Variants in IFT88 observed in about 807,000 individuals in gnomAD.
IFT88 encodes intraflagellar transport protein 88 homolog.
A neutral mutation model predicts 119.5 loss-of-function variants in IFT88; 74 were observed. The observed-to-expected ratio is 0.62, with a 90% confidence interval of 0.51 to 0.75. IFT88 has a LOEUF of 0.75. Ranked by LOEUF, IFT88 falls within the 30% of genes least tolerant of loss-of-function variation. The pLI is 0.00. For missense variants in IFT88, 961 were observed against 977.7 expected, an observed-to-expected ratio of 0.98 and a Z score of 0.23; for synonymous variants, 279 against 316.7, an observed-to-expected ratio of 0.88 and a Z score of 1.26.
chr13:20,606,802 C>A (rs1329054413), intron 13 of IFT88, among the ~76,000 whole-genome samples: 2 of 152,104 alleles, frequency 1.3e-5, no homozygotes, highest in African/African-American at 4.8e-5. Context: ...TTGCTTGAAC[C>A]CAGGAGGCGG....
chr13:20,669,267 C>A (rs988604524), intron 23 of IFT88, among the ~76,000 whole-genome samples: 9 of 152,136 alleles, frequency 5.9e-5, no homozygotes, highest in African/African-American at 2.2e-4. Flanking sequence ...GAACAGGTGT[C>A]AGGCAATAAA....
At chr13:20,577,899 G>GC (rs2037719770) in intron 2 of IFT88, among the ~76,000 whole-genome samples, 1 of 151,866 alleles carries the variant, frequency 6.6e-6, no homozygotes, top group African/African-American at 2.4e-5. Flanking sequence ...CTCTTTCTCT[G>GC]TTTTTTGGAG....
At chr13:20,574,301 C>A in intron 1 of IFT88, 79 bp from the exon 2 acceptor site, 1 of 668,354 alleles carries the variant, frequency 1.5e-6, no homozygotes, top group East Asian at 3.2e-5. Flanking sequence ...GCCTGGGCAA[C>A]AGAGCAAGAC....
chr13:20,626,048 T>C (rs1230771492), intron 15 of IFT88, among the ~76,000 whole-genome samples, 199 bp downstream of exon 15: 2 of 12,266 alleles, frequency 1.6e-4, no homozygotes, highest in Admixed American at 8.7e-4. Context: ...CGTTTCTTTT[T>C]TTTTTTTTTT....
chr13:20,597,771 T>A (rs4770061), intron 9 of IFT88, among the ~76,000 whole-genome samples: 67,843 of 140,778 alleles, frequency 0.48, 17,245 homozygotes, highest in East Asian at 0.75. Context: ...ATATATATAT[T>A]TTTTTTTTGA....
At chr13:20,593,848 A>C (rs1195744657) in intron 7 of IFT88, among the ~76,000 whole-genome samples, 1 of 151,886 alleles carries the variant, frequency 6.6e-6, no homozygotes, top group African/African-American at 2.4e-5. Context: ...CCAGGAGTTC[A>C]AGACTAGCCT....
chr13:20,649,670 G>A (rs1208276733), intron 20 of IFT88, among the ~76,000 whole-genome samples: 2 of 151,872 alleles, frequency 1.3e-5, no homozygotes, highest in African/African-American at 4.8e-5. Context: ...ATAAAATAGA[G>A]AATAGAAAAG....
chr13:20,634,914 A>G (rs1196328151), intron 16 of IFT88, among the ~76,000 whole-genome samples: 2 of 151,190 alleles, frequency 1.3e-5, no homozygotes, highest in Admixed American at 6.6e-5. Flanking sequence ...TCTTCATTTA[A>G]CATTAGGTAT....
chr13:20,594,354 G>C (rs2480432), intron 7 of IFT88, among the ~76,000 whole-genome samples: 33,717 of 152,000 alleles, frequency 0.22, 4,418 homozygotes, highest in African/African-American at 0.35. Flanking sequence ...TAGCAGCCCT[G>C]TACCTGAAGC....
chr13:20,626,041 TTC>T (rs2047248334), intron 15 of IFT88, among the ~76,000 whole-genome samples, 192 bp downstream of exon 15: 3 of 90,718 alleles, frequency 3.3e-5, no homozygotes, highest in Non-Finnish European at 2.3e-5. Flanking sequence ...TGTTTGTCGT[TTC>T]TTTTTTTTTT....
At chr13:20,658,697 C>T (rs1444937969) in intron 22 of IFT88, among the ~76,000 whole-genome samples, 1 of 152,106 alleles carries the variant, frequency 6.6e-6, no homozygotes, top group Non-Finnish European at 1.5e-5. Flanking sequence ...TGGTAAAATC[C>T]CTGGCCTCTG....
chr13:20,657,652 G>C (rs2053062088), intron 22 of IFT88, among the ~76,000 whole-genome samples: 1 of 152,080 alleles, frequency 6.6e-6, no homozygotes, highest in African/African-American at 2.4e-5. Flanking sequence ...TCAAGGCTGG[G>C]CACAGTGGCT....
chr13:20,584,025 A>G lies in IFT88; in HGVS notation c.153+1006A>G, dbSNP rs2039191575. Among the ~76,000 whole-genome samples the G allele has an allele frequency of 2.0e-5, 3 of 152,262 alleles. No homozygotes were observed. In the South Asian group the frequency reaches 6.2e-4, roughly 32 times the overall value. The stretch of plus-strand genomic sequence containing the variant: ...TGCCAGTAACCACACTGTTTTGATT[A>G]GTGTAGCTTTATAATATGTTTTAAA... On this transcript the variant is annotated intron_variant, in intron 3 of 25. Coordinates refer to ENST00000351808, the MANE Select transcript of IFT88 (RefSeq NM_006531.5).
chr13:20,598,543 G>A (rs1467107702), intron 9 of IFT88, 108 bp from the exon 10 acceptor site: 2 of 572,200 alleles, frequency 3.5e-6, no homozygotes, highest in Non-Finnish European at 6.3e-6. Context: ...TGAGTATCTT[G>A]ATATAAGTAG....
chr13:20,630,322 TAC>T (rs2048007647), intron 15 of IFT88, among the ~76,000 whole-genome samples: 1 of 152,250 alleles, frequency 6.6e-6, no homozygotes, highest in Admixed American at 6.5e-5. Flanking sequence ...TTGCTAGCTC[TAC>T]AGTGCCTTCA....
chr13:20,664,712 G>C (rs575956795), intron 23 of IFT88, among the ~76,000 whole-genome samples: 1 of 151,968 alleles, frequency 6.6e-6, no homozygotes, highest in Non-Finnish European at 1.5e-5. Flanking sequence ...ATATGAAAAA[G>C]GAAGAGAAAA....
intron 24 of IFT88, among the ~76,000 whole-genome samples, chr13:20,672,283 G>A (rs2056017792): frequency 6.6e-6 from 1 of 152,136 alleles, no homozygotes; most frequent in Admixed American, 6.5e-5. Flanking sequence ...TTCCCCAAGA[G>A]TCAGTCCAGC....
At chr13:20,602,639 C>T (rs1022143429) in intron 12 of IFT88, among the ~76,000 whole-genome samples, 1 of 152,296 alleles carries the variant, frequency 6.6e-6, no homozygotes, top group South Asian at 2.1e-4. Context: ...AATTCCAGCA[C>T]TTTGGGAGGC....
At position 20,601,692 on chromosome 13, in the gene IFT88, CT is replaced by C. The variant is rs2042616806; in HGVS notation, c.813-8del. The C allele has an allele frequency of 6.5e-7, 1 of 1,538,768 alleles. No homozygotes were observed. Reference sequence around the variant, plus strand: ...TCAGAATTTTAAAGCTAATCCATGTCTTTTTCTTTTAGGATTAAAATAATGC... The same window carrying C: ...TCAGAATTTTAAAGCTAATCCATGTCTTTTCTTTTAGGATTAAAATAATGC... On this transcript the variant is annotated splice_polypyrimidine_tract_variant and intron_variant, in intron 11 of 25. Transcript: ENST00000351808.
Sources: gnomAD v4.1 joint callset for allele counts (sites outside exome capture counted in the v4.1 genomes callset) on GRCh38, gnomAD v4.1.1 for gene constraint, MANE v1.5 for transcripts, NCBI Gene and HGNC (gene_info 2026-07-23, HGNC 2026-07-21) for gene names.